POT1: variants seen among roughly 807,000 people sequenced by gnomAD.
The protein encoded by POT1 is protection of telomeres protein 1.
Under a neutral mutation model 78.5 loss-of-function variants are expected in POT1, and 47 were observed. That is an observed-to-expected ratio of 0.60 (90% CI 0.47 to 0.76). The LOEUF (loss-of-function observed/expected upper bound fraction) is 0.76, where lower values mean the gene tolerates loss of function less well. Ranked by LOEUF, POT1 falls within the 30% of genes least tolerant of loss-of-function variation. POT1 has a pLI of 0.00. For missense variants in POT1, 646 were observed against 749.9 expected (o/e 0.86, Z 1.62); for synonymous variants, 259 against 260.7 (o/e 0.99, Z 0.06).
chr7:124,848,939 A>T (rs1426814842), intron 11 of POT1, among the ~76,000 whole-genome samples: 2 of 152,154 alleles, frequency 1.3e-5, no homozygotes, highest in Non-Finnish European at 2.9e-5. Flanking sequence ...AAGAAAGCAA[A>T]AGTAGTAGTC....
At chr7:124,851,735 T>C in intron 11 of POT1, 137 bp downstream of exon 11, 1 of 683,782 alleles carries the variant, frequency 1.5e-6, no homozygotes, top group Non-Finnish European at 2.5e-6. Flanking sequence ...AGGCCACAGA[T>C]AAAGATTTTA....
chr7:124,824,457 A>C (rs1177032054), intron 18 of POT1, among the ~76,000 whole-genome samples: 1 of 152,086 alleles, frequency 6.6e-6, no homozygotes, highest in African/African-American at 2.4e-5. Context: ...AGTTAACACA[A>C]ATTAAAACTG....
At chr7:124,898,409 C>T (rs1796544630) in intron 3 of POT1, 35 bp from the exon 4 acceptor site, 1 of 151,588 alleles carries the variant, frequency 6.6e-6, no homozygotes, top group Non-Finnish European at 1.5e-5. Context: ...GAATCAATCA[C>T]CAAAATACGT....
intron 15 of POT1, 91 bp from the exon 16 acceptor site, chr7:124,829,433 A>G: frequency 1.3e-6 from 1 of 763,008 alleles, no homozygotes; most frequent in Admixed American, 2.8e-5. Flanking sequence ...GTGTAGTTTT[A>G]AAATATAAAT....
chr7:124,861,924 C>T (rs958180704), intron 8 of POT1, among the ~76,000 whole-genome samples: 13 of 151,984 alleles, frequency 8.6e-5, no homozygotes, highest in East Asian at 3.9e-4. Flanking sequence ...AGATGTGTGG[C>T]GTTATTTCTG....
At chr7:124,869,740 C>T (rs1400868249) in intron 7 of POT1, among the ~76,000 whole-genome samples, 1 of 152,046 alleles carries the variant, frequency 6.6e-6, no homozygotes, top group Non-Finnish European at 1.5e-5. Context: ...TACCACCACG[C>T]CCGGCTGATT....
At chr7:124,904,762 C>G (rs997700346) in intron 3 of POT1, among the ~76,000 whole-genome samples, 2 of 152,192 alleles carry the variant, frequency 1.3e-5, no homozygotes, top group African/African-American at 4.8e-5. Context: ...GGTCTCAGCT[C>G]AAAATCTCCT....
At chr7:124,884,289 A>G (rs1053856043) in intron 6 of POT1, among the ~76,000 whole-genome samples, 5 of 152,006 alleles carry the variant, frequency 3.3e-5, no homozygotes, top group African/African-American at 1.2e-4. Flanking sequence ...CAAAATCTAA[A>G]AGCAAACAAA....
At chr7:124,844,975 T>G (rs956815406) in intron 12 of POT1, among the ~76,000 whole-genome samples, 2 of 152,196 alleles carry the variant, frequency 1.3e-5, no homozygotes, top group Non-Finnish European at 2.9e-5. Flanking sequence ...TCACTGTGCC[T>G]GTCTTTATCT....
At chr7:124,884,384 A>G (rs575701141) in intron 6 of POT1, among the ~76,000 whole-genome samples, 1 of 152,276 alleles carries the variant, frequency 6.6e-6, no homozygotes, top group Admixed American at 6.5e-5. Context: ...CTAAAACAGA[A>G]GGTGTCCTTG....
chr7:124,928,675 A>G (rs1202210330), intron 2 of POT1, 140 bp downstream of exon 2: 2 of 152,478 alleles, frequency 1.3e-5, no homozygotes, highest in African/African-American at 2.4e-5. Flanking sequence ...GAATAAGAAT[A>G]ACTTATTGAA....
chr7:124,882,377 T>G (rs1298507075), intron 6 of POT1, among the ~76,000 whole-genome samples: 2 of 152,052 alleles, frequency 1.3e-5, no homozygotes, highest in Admixed American at 1.3e-4. Flanking sequence ...CTTACTTCTT[T>G]TACAAGGAAA....
intron 3 of POT1, among the ~76,000 whole-genome samples, chr7:124,914,292 CTTTT>C (rs1796963620): frequency 2.6e-5 from 4 of 151,962 alleles, no homozygotes; most frequent in African/African-American, 9.7e-5. Context: ...CTTTGTTGTT[CTTTT>C]TTAAGGTTGT....
chr7:124,843,044 T>A, intron 12 of POT1, 81 bp from the exon 13 acceptor site: 1 of 953,526 alleles, frequency 1.0e-6, no homozygotes, highest in South Asian at 2.2e-5. Flanking sequence ...ATATATACTA[T>A]AAAATCTAAT....
At chr7:124,894,252 GCTC>G (rs1399551208) in intron 5 of POT1, among the ~76,000 whole-genome samples, 1 of 151,412 alleles carries the variant, frequency 6.6e-6, no homozygotes, top group Non-Finnish European at 1.5e-5. Context: ...AAGAAAGCTA[GCTC>G]ATCAATGATT....
chr7:124,903,228 C>A (rs1421760694), intron 3 of POT1, among the ~76,000 whole-genome samples: 1 of 152,188 alleles, frequency 6.6e-6, no homozygotes, highest in Non-Finnish European at 1.5e-5. Flanking sequence ...ATACATTCTT[C>A]TCAGCACCAC....
intron 15 of POT1, 64 bp downstream of exon 15, chr7:124,835,215 A>C: frequency 1.3e-6 from 2 of 1,576,498 alleles, no homozygotes; most frequent in Admixed American, 1.7e-5. Context: ...CATGTTCAGC[A>C]CATGACCCCA....
At chr7:124,854,222 A>G (rs1795387048) in intron 9 of POT1, among the ~76,000 whole-genome samples, 1 of 152,030 alleles carries the variant, frequency 6.6e-6, no homozygotes, top group Non-Finnish European at 1.5e-5. Context: ...CAAGTCTAAA[A>G]ACGAAATTCA....
At chr7:124,921,507 G>T in intron 2 of POT1, among the ~76,000 whole-genome samples, 1 of 121,908 alleles carries the variant, frequency 8.2e-6, no homozygotes, top group East Asian at 2.3e-4. Flanking sequence ...AAATAAATAG[G>T]TGAGTAAAAT....
Sources: gnomAD v4.1 joint callset for allele counts (sites outside exome capture counted in the v4.1 genomes callset) on GRCh38, gnomAD v4.1.1 for gene constraint, MANE v1.5 for transcripts, NCBI Gene and HGNC (gene_info 2026-07-23, HGNC 2026-07-21) for gene names.